OSBPL2: variants seen among roughly 807,000 people sequenced by gnomAD.
The protein encoded by OSBPL2 is oxysterol-binding protein-related protein 2.
A neutral mutation model predicts 58.4 loss-of-function variants in OSBPL2; 18 were observed. That is an observed-to-expected ratio of 0.31 (90% CI 0.21 to 0.46). The LOEUF (loss-of-function observed/expected upper bound fraction) is 0.46, where lower values mean the gene tolerates loss of function less well. Ranked by LOEUF, OSBPL2 falls within the 20% of genes least tolerant of loss-of-function variation. The pLI is 1.00. For synonymous variants in OSBPL2, 221 were observed against 234.1 expected, an observed-to-expected ratio of 0.94 and a Z score of 0.51; for missense variants, 461 against 616.5, an observed-to-expected ratio of 0.75 and a Z score of 2.67.
intron 5 of OSBPL2, 81 bp from the exon 6 acceptor site, chr20:62,273,228 A>T: frequency 9.3e-7 from 1 of 1,069,762 alleles, no homozygotes; most frequent in Non-Finnish European, 1.4e-6. Flanking sequence ...CCAGGTGCCC[A>T]CCGCCCTCCA....
rs1431563045 is a variant in OSBPL2 at position 62,288,842 on chromosome 20, G to A, written c.1126-365G>A. Among the ~76,000 whole-genome samples the A allele has an allele frequency of 6.6e-6, 1 of 152,150 alleles. No individual in the cohort carries two copies. Among genetic ancestry groups the A allele is most frequent in the Non-Finnish European group, 1.5e-5 (1 of 68,018 alleles). On this transcript the variant is annotated intron_variant, in intron 11 of 13. Coordinates refer to ENST00000313733, the MANE Select transcript of OSBPL2 (RefSeq NM_144498.4). The surrounding 1 kb of genome is among the most constrained non-coding windows in gnomAD (Gnocchi z 4.8). The stretch of plus-strand genomic sequence containing the variant: ...GAGGAACCTGTGGGCAGGTGTGGCT[G>A]AGGGCAGGAAAGGAGCAGGTACAAG...
chr20:62,265,263 A>G (rs1981590250), intron 4 of OSBPL2, among the ~76,000 whole-genome samples: 1 of 152,174 alleles, frequency 6.6e-6, no homozygotes, highest in South Asian at 2.1e-4. Flanking sequence ...TTGTATTAGT[A>G]TGAACTCATG....
At chr20:62,286,743 C>A in intron 11 of OSBPL2, 32 bp downstream of exon 11, 1 of 1,591,948 alleles carries the variant, frequency 6.3e-7, no homozygotes, top group Admixed American at 1.7e-5. Context: ...GACGTCTCTG[C>A]CTGCTCATGT....
rs1461955290 is a variant in OSBPL2 at position 62,288,559 on chromosome 20, CGGAGGCTGTGGGTGCAGAGGCT to C, written c.1126-645_1126-624del. Among the ~76,000 whole-genome samples, 2 of 135,002 alleles carry C rather than the reference CGGAGGCTGTGGGTGCAGAGGCT, an allele frequency of 1.5e-5. No homozygotes were observed. Among genetic ancestry groups the C allele is most frequent in the Admixed American group, 7.3e-5 (1 of 13,680 alleles). 88.6% of individuals were successfully genotyped at this position (135,002 alleles called of 152,430 possible). On this transcript the variant is annotated intron_variant, in intron 11 of 13. Transcript: ENST00000313733. This position sits in a 1 kb window ranked among gnomAD's most constrained non-coding sequence, Gnocchi z 4.8. Reference sequence around the variant, plus strand: ...GCTGGGAGGCTGTGGGTGCAGAGGCCGGAGGCTGTGGGTGCAGAGGCTGGGAGGCTGTGGGTGCAGAGGCCGA... The same window carrying C: ...GCTGGGAGGCTGTGGGTGCAGAGGCCGGGAGGCTGTGGGTGCAGAGGCCGA...
At position 62,256,212 on chromosome 20, in the gene OSBPL2, G is replaced by C. The variant is rs768095220; in HGVS notation, c.28G>C (p.Ala10Pro). 1.2e-6 allele frequency: 2 copies of C among 1,613,866 alleles called. No homozygotes were observed. Among genetic ancestry groups the C allele is most frequent in the Non-Finnish European group, 1.7e-6 (2 of 1,179,820 alleles). Residue 10 changes from alanine (A) to proline (P), a missense_variant, in exon 2 of 14, where the codon GCC becomes CCC. Physicochemically the swap from Ala to Pro is conservative, Grantham distance 27. This residue lies in a region of OSBPL2 where 80 missense variants were observed against 74.8 expected (regional missense o/e 1.07). Coordinates refer to ENST00000313733, the MANE Select transcript of OSBPL2 (RefSeq NM_144498.4). MNGEEEFFD[A>P]VTGFDSDNSS... The stretch of plus-strand genomic sequence containing the variant: ...GAACGGAGAGGAAGAATTCTTTGAT[G>C]CCGTCACAGGTGAGTCAAAAGAGAA...
At chr20:62,267,517 A>G (rs1981759691) in intron 4 of OSBPL2, among the ~76,000 whole-genome samples, 1 of 152,168 alleles carries the variant, frequency 6.6e-6, no homozygotes, top group Admixed American at 6.5e-5. Context: ...AGGAGAATTC[A>G]GGACCACAGC....
chr20:62,254,732 G>A (rs952293995), intron 1 of OSBPL2, among the ~76,000 whole-genome samples: 1 of 152,228 alleles, frequency 6.6e-6, no homozygotes, highest in Admixed American at 6.5e-5. Context: ...TTTGACACAA[G>A]TAAGGATGCT....
chr20:62,261,870 T>TC (rs1981335683), intron 3 of OSBPL2, among the ~76,000 whole-genome samples: 2 of 152,304 alleles, frequency 1.3e-5, no homozygotes, highest in East Asian at 3.9e-4. Flanking sequence ...ATGATTCTCT[T>TC]GCCTCAGCCT....
chr20:62,256,112 G>A lies in OSBPL2; in HGVS notation c.-73G>A, dbSNP rs1042016014. ...GAAAGTTTGTAAAATTCCTTACACT[G>A]TAGATGTGGATCAGATACGATGATT... On this transcript the variant is annotated 5_prime_UTR_variant, in exon 2 of 14. Coordinates refer to ENST00000313733, the MANE Select transcript of OSBPL2 (RefSeq NM_144498.4). 19 of 1,533,610 alleles carry A rather than the reference G, an allele frequency of 1.2e-5. No homozygotes were observed. In the Admixed American group the frequency reaches 3.3e-4, roughly 26 times the overall value.
intron 1 of OSBPL2, among the ~76,000 whole-genome samples, chr20:62,246,262 G>A (rs989975875): frequency 4.6e-5 from 7 of 152,248 alleles, no homozygotes; most frequent in Admixed American, 3.3e-4. Flanking sequence ...TGCCGTGGGT[G>A]GCTGTTGAAG....
intron 1 of OSBPL2, among the ~76,000 whole-genome samples, chr20:62,244,720 G>A (rs1979978553): frequency 6.6e-6 from 1 of 152,246 alleles, no homozygotes; most frequent in Admixed American, 6.5e-5. Flanking sequence ...TGAGGGAGTT[G>A]ACTGTGGTGA....
intron 1 of OSBPL2, among the ~76,000 whole-genome samples, chr20:62,246,858 TG>T (rs893031679): frequency 6.6e-6 from 1 of 152,252 alleles, no homozygotes. Context: ...GAGACCTTTC[TG>T]TTCTTTAATT....
rs908919197 is a variant in OSBPL2 at position 62,288,085 on chromosome 20, G to A, written c.1126-1122G>A. 5.3e-5 allele frequency among the ~76,000 whole-genome samples: 8 copies of A among 152,214 alleles called. No individual in the cohort carries two copies. The highest frequency in any genetic ancestry group is 3.3e-4 in the Admixed American group (5 of 15,286). On this transcript the variant is annotated intron_variant, in intron 11 of 13. Coordinates refer to ENST00000313733, the MANE Select transcript of OSBPL2 (RefSeq NM_144498.4). This position sits in a 1 kb window ranked among gnomAD's most constrained non-coding sequence, Gnocchi z 4.8. The stretch of plus-strand genomic sequence containing the variant: ...TTGGGCGGAGGGGACAGTCAGGGCA[G>A]AGACCCCTGGAGTAGACTAGTGTGT...
At position 62,260,436 on chromosome 20, in the gene OSBPL2, T is replaced by A. The variant is rs6062175; in HGVS notation, c.182+311T>A. 0.86 allele frequency among the ~76,000 whole-genome samples: 131,097 copies of A among 152,174 alleles called. 57,061 individuals carry two copies. Among genetic ancestry groups the A allele is most frequent in the East Asian group, 0.99 (5,132 of 5,174 alleles). ...AGGATTTGGGGTGACACAGGCTTTG[T>A]CAGGGCCTGGCAAACAGTACATGGC... On this transcript the variant is annotated intron_variant, in intron 3 of 13. Transcript: ENST00000313733.
intron 3 of OSBPL2, among the ~76,000 whole-genome samples, chr20:62,262,243 G>A (rs1422926483): frequency 6.6e-6 from 1 of 152,160 alleles, no homozygotes; most frequent in Non-Finnish European, 1.5e-5. Flanking sequence ...CACCTCTTAG[G>A]AAGAAAGCCA....
chr20:62,272,235 GC>G lies in OSBPL2; in HGVS notation c.373del (p.Gln125SerfsTer38). The G allele has an allele frequency of 1.2e-6, 2 of 1,613,590 alleles. No individual in the cohort carries two copies. The highest frequency in any genetic ancestry group is 1.7e-6 in the Non-Finnish European group (2 of 1,179,900). On this transcript the variant is annotated frameshift_variant, in exon 5 of 14. Transcript: ENST00000313733. LOFTEE classifies it high-confidence loss of function. ...ACCTCATCCACAGGGCCTCCTGCCAGCCCCAGCCCCTGGAGAGGATGCAGGT... is the reference window on the plus strand; with the variant it reads ...ACCTCATCCACAGGGCCTCCTGCCAGCCCAGCCCCTGGAGAGGATGCAGGT... ...VYLIHRASCQ[P>X]QPLERMQSVA...
chr20:62,259,657 A>G (rs866892675), intron 2 of OSBPL2, among the ~76,000 whole-genome samples: 1 of 152,202 alleles, frequency 6.6e-6, no homozygotes, highest in Non-Finnish European at 1.5e-5. Flanking sequence ...CAGAGCATGT[A>G]GGTCACAGAT....
rs759912670 is a variant in OSBPL2, at chr20:62,293,951, A to G, written c.*64A>G. The G allele has an allele frequency of 1.9e-6, 3 of 1,578,282 alleles. No individual in the cohort carries two copies. The South Asian group carries it at 3.5e-5, about 18-fold the overall frequency. On this transcript the variant is annotated 3_prime_UTR_variant, in exon 14 of 14. Transcript: ENST00000313733. ...CGAGGCTGGACTTCCTCGAGTGGCC[A>G]CTGTGAGCCTCGTCACAGCAGAAAC...
intron 1 of OSBPL2, among the ~76,000 whole-genome samples, chr20:62,245,754 G>A (rs549062223): frequency 6.6e-6 from 1 of 152,346 alleles, no homozygotes; most frequent in East Asian, 1.9e-4. Context: ...AGATGGTGAC[G>A]AGGACAGACA....
Sources: allele counts gnomAD v4.1 joint callset (sites outside exome capture counted in the v4.1 genomes callset), GRCh38; gene constraint gnomAD v4.1.1; regional missense constraint gnomAD v4.1.1; non-coding constraint Gnocchi (gnomAD v3.1); transcripts MANE v1.5; gene names NCBI Gene and HGNC (gene_info 2026-07-23, HGNC 2026-07-21).